Variants in STOX2 observed in about 807,000 individuals in gnomAD.
The protein encoded by STOX2 is storkhead box 2.
A neutral mutation model predicts 60.9 loss-of-function variants in STOX2; 28 were observed. The ratio of observed to expected loss-of-function variants is 0.46; its 90% confidence interval spans 0.34 to 0.63. The LOEUF (loss-of-function observed/expected upper bound fraction) is 0.63, where lower values mean the gene tolerates loss of function less well. STOX2 is among the 30% of genes least tolerant of loss of function. The pLI is 0.01. For synonymous variants in STOX2, 472 were observed against 463.9 expected (o/e 1.02, Z -0.22); for missense variants, 1,024 against 1,187.7 (o/e 0.86, Z 2.03).
intron 1 of STOX2, among the ~76,000 whole-genome samples, chr4:183,913,728 C>A (rs11732366): frequency 5.2e-4 from 79 of 151,848 alleles, no homozygotes; most frequent in African/African-American, 1.6e-3. Flanking sequence ...CTGAGATCGC[C>A]TCACTGCACT....
At chr4:183,914,148 G>A (rs1469772264) in intron 1 of STOX2, among the ~76,000 whole-genome samples, 1 of 152,182 alleles carries the variant, frequency 6.6e-6, no homozygotes, top group Non-Finnish European at 1.5e-5. Flanking sequence ...GATGGGACAA[G>A]GTGGAAAGGG....
chr4:183,923,286 T>C (rs1220271158), intron 1 of STOX2, among the ~76,000 whole-genome samples: 2 of 152,212 alleles, frequency 1.3e-5, no homozygotes, highest in Non-Finnish European at 2.9e-5. Flanking sequence ...CTGACAACAC[T>C]TGTTATTTTC....
At chr4:183,846,958 G>T (rs1221101421) in intron 1 of STOX2, among the ~76,000 whole-genome samples, 1 of 152,086 alleles carries the variant, frequency 6.6e-6, no homozygotes, top group East Asian at 1.9e-4. Context: ...GTGACTTTTA[G>T]AAACTAATTT....
At chr4:183,879,320 A>G (rs1360183107) in intron 1 of STOX2, among the ~76,000 whole-genome samples, 1 of 152,146 alleles carries the variant, frequency 6.6e-6, no homozygotes, top group Non-Finnish European at 1.5e-5. Context: ...CGGCCCATAC[A>G]TCAAGCATGG....
rs752333017 is a variant in STOX2, at chr4:183,906,843, TCTCGGACCGGGC to T, written c.63_74del (p.Ala22_Arg25del). ...CGGCGAGCCTGGCCTAGCTCGGATTTCTCGGACCGGGCCTCGGACCGCATGAGGTCCCGCAGC... is the reference window on the plus strand; with the variant it reads ...CGGCGAGCCTGGCCTAGCTCGGATTTCTCGGACCGCATGAGGTCCCGCAGC... On this transcript the variant is annotated inframe_deletion, in exon 1 of 4. Transcript: ENST00000308497. 6.2e-5 allele frequency: 96 copies of T among 1,555,374 alleles called. No homozygotes were observed. The East Asian group carries it at 7.8e-4, about 13-fold the overall frequency.
intron 1 of STOX2, among the ~76,000 whole-genome samples, chr4:183,843,596 A>G (rs1442117979): frequency 1.3e-5 from 2 of 152,254 alleles, no homozygotes; most frequent in East Asian, 1.9e-4. Context: ...AGCCAGGGAC[A>G]TTATGGAAAT....
In STOX2 at chr4:183,818,803, G is replaced by T. The variant is rs575249014; in HGVS notation, c.364+20748G>T. Reference sequence around the variant, plus strand: ...ACCTCCCAGACGGGGTGGCTGCCGGGCGGAGGGGCTCCTCACCTCCCAGAC... The same window carrying T: ...ACCTCCCAGACGGGGTGGCTGCCGGTCGGAGGGGCTCCTCACCTCCCAGAC... On this transcript the variant is annotated intron_variant, in intron 1 of 2. Transcript: ENST00000513034. 9.9e-5 allele frequency among the ~76,000 whole-genome samples: 15 copies of T among 151,938 alleles called. 2 individuals are homozygous for T. The South Asian group carries it at 3.1e-3, about 32-fold the overall frequency.
chr4:184,013,829 C>T (rs1252608071), intron 3 of STOX2, among the ~76,000 whole-genome samples: 1 of 152,254 alleles, frequency 6.6e-6, no homozygotes, highest in Non-Finnish European at 1.5e-5. Context: ...CACTCTGTTG[C>T]CCAGGCTGGA....
chr4:184,010,811 CA>C lies in STOX2; in HGVS notation c.1977del (p.Pro661ArgfsTer53). ...REPVGHKEES[P>X]KGPGGGPAAS... ...CCTGTGGGGCACAAGGAGGAGTCAC[CA>C]AAAGGGCCGGGTGGGGGCCCCGCTG... is the stretch of plus-strand genomic sequence containing the variant. On this transcript the variant is annotated frameshift_variant, in exon 3 of 4. Coordinates refer to ENST00000308497, the MANE Select transcript of STOX2 (RefSeq NM_020225.3). LOFTEE classifies it high-confidence loss of function. The surrounding 1 kb of genome is among the most constrained non-coding windows in gnomAD (Gnocchi z 4.5). The C allele has an allele frequency of 6.3e-7, 1 of 1,584,670 alleles. No homozygotes were observed.
At chr4:183,822,064 G>A (rs932826406) in intron 1 of STOX2, among the ~76,000 whole-genome samples, 29 of 152,190 alleles carry the variant, frequency 1.9e-4, no homozygotes, top group Admixed American at 1.1e-3. Flanking sequence ...CAAACTTCCC[G>A]TCCTGATCAG....
rs530424309 is a variant in STOX2 at position 183,866,443 on chromosome 4, A to G, written c.364+68388A>G. ...CCTGGTGTTCTGAGTAGGATGCTTC[A>G]GCCTTCAGAGCTGCAGGGCATCTGA... On this transcript the variant is annotated intron_variant, in intron 1 of 2. Transcript: ENST00000513034. 5.3e-5 allele frequency among the ~76,000 whole-genome samples: 8 copies of G among 152,250 alleles called. No homozygotes were observed. The East Asian group carries it at 1.2e-3, about 22-fold the overall frequency.
chr4:183,828,665 G>C (rs1739491503), intron 1 of STOX2, among the ~76,000 whole-genome samples: 1 of 152,174 alleles, frequency 6.6e-6, no homozygotes, highest in Non-Finnish European at 1.5e-5. Context: ...TTATTATTCA[G>C]GCTGGCTCTT....
rs142534006 is a variant in STOX2, at chr4:183,816,930, C to T, written c.364+18875C>T. ...CAGATGATGTCTTTGTCTAACTGTACGGGCAAGGGCTGCATTGGCTGAATT... is the reference window on the plus strand; with the variant it reads ...CAGATGATGTCTTTGTCTAACTGTATGGGCAAGGGCTGCATTGGCTGAATT... On this transcript the variant is annotated intron_variant, in intron 1 of 2. Transcript: ENST00000513034. Among the ~76,000 whole-genome samples the T allele has an allele frequency of 7.1e-3, 1,078 of 152,296 alleles. 7 individuals carry two copies. Among genetic ancestry groups the T allele is most frequent in the Non-Finnish European group, 0.013 (892 of 68,022 alleles).
intron 1 of STOX2, among the ~76,000 whole-genome samples, chr4:183,850,926 G>A (rs1189440377): frequency 4.9e-4 from 71 of 146,068 alleles, no homozygotes; most frequent in African/African-American, 1.6e-3. Context: ...GAAAGGATGA[G>A]GGAAAGGATG....
intron 1 of STOX2, among the ~76,000 whole-genome samples, chr4:183,864,134 A>G (rs976587338): frequency 3.9e-5 from 6 of 152,170 alleles, no homozygotes; most frequent in African/African-American, 1.4e-4. Context: ...AAAAGTTTTG[A>G]AATATGAGGA....
chr4:184,017,499 A>G lies in STOX2; in HGVS notation c.*215A>G, dbSNP rs920929778. On this transcript the variant is annotated 3_prime_UTR_variant, in exon 4 of 4. Transcript: ENST00000308497. ...TATGGCTCTGTAGCAACTGAGTAAC[A>G]GTAGGGGTGATATGTATACTTTTGC... is the stretch of plus-strand genomic sequence containing the variant. 1.2e-5 allele frequency: 6 copies of G among 486,352 alleles called. No individual in the cohort carries two copies. Among genetic ancestry groups the G allele is most frequent in the African/African-American group, 1.2e-4 (6 of 50,514 alleles). 30.1% of individuals were successfully genotyped at this position (486,352 alleles called of 1,614,324 possible). A position where few individuals can be genotyped will look rare whatever the true frequency, so the allele number is the denominator to read the frequency against.
chr4:183,987,464 C>G (rs370744394), intron 1 of STOX2, among the ~76,000 whole-genome samples: 13 of 152,142 alleles, frequency 8.5e-5, no homozygotes, highest in Middle Eastern at 3.4e-3. Flanking sequence ...TATGCAGATA[C>G]GTGATTCATT....
Position 184,010,137 on chromosome 4 carries a change from C to T in STOX2, c.1299C>T (p.His433=). The change falls in exon 3 of 4, where the codon CAC becomes CAT. Residue 433 remains histidine, a synonymous_variant. Transcript: ENST00000308497. The surrounding 1 kb of genome is among the most constrained non-coding windows in gnomAD (Gnocchi z 4.5). The part of the protein sequence containing the change: ...MHSNTNVLES[H]FPMTPEWDVS... ...GCAACACAAACGTGCTCGAGTCCCA[C>T]TTCCCCATGACACCAGAATGGGATG... 1 of 1,570,426 alleles carries T rather than the reference C, an allele frequency of 6.4e-7. No homozygotes were observed. The highest frequency in any genetic ancestry group is 8.6e-7 in the Non-Finnish European group (1 of 1,157,202).
chr4:183,959,854 C>T (rs960922028), intron 1 of STOX2, among the ~76,000 whole-genome samples: 2 of 152,124 alleles, frequency 1.3e-5, no homozygotes, highest in African/African-American at 4.8e-5. Context: ...TTCCATCTGG[C>T]TGGAGCTACA....
Sources: allele counts gnomAD v4.1 joint callset (sites outside exome capture counted in the v4.1 genomes callset), GRCh38; gene constraint gnomAD v4.1.1; non-coding constraint Gnocchi (gnomAD v3.1); transcripts MANE v1.5; gene names NCBI Gene and HGNC (gene_info 2026-07-23, HGNC 2026-07-21).